ITGA2B: variants seen among roughly 807,000 people sequenced by gnomAD.
The protein encoded by ITGA2B is integrin alpha-IIb.
In ITGA2B, 91 loss-of-function variants were observed where a neutral mutation model predicts 142.0. The ratio of observed to expected loss-of-function variants is 0.64; its 90% CI spans 0.54 to 0.76. The LOEUF is 0.76. Among genes scored for constraint, ITGA2B ranks in the 30% least tolerant of loss-of-function variants. The probability of loss-of-function intolerance (pLI) is 0.00; values close to 1 mark genes in which losing one functional copy is unlikely to be tolerated. For missense variants in ITGA2B, 1,231 were observed against 1,350.8 expected (o/e 0.91, Z 1.39); for synonymous variants, 536 against 567.2 (o/e 0.94, Z 0.78).
At chr17:44,386,266 G>T (rs1189097935) in intron 1 of ITGA2B, 135 bp from the exon 2 acceptor site, 8 of 1,326,684 alleles carry the variant, frequency 6.0e-6, no homozygotes, top group Admixed American at 4.1e-5. Flanking sequence ...ACACCTCACA[G>T]ACCACCGTGA....
At position 44,389,437 on chromosome 17, in the gene ITGA2B, G is replaced by A. The variant is rs780972212; in HGVS notation, c.37C>T (p.Leu13Phe). 1.2e-6 allele frequency: 2 copies of A among 1,614,126 alleles called. No homozygotes were observed. Among genetic ancestry groups the A allele is most frequent in the Non-Finnish European group, 1.7e-6 (2 of 1,180,036 alleles). ...AAGAGCAGCAGCACCCACTCCAGAA[G>A]CCAGAGGGCTTGCAGTGGACACAAA... ...RALCPLQALW[L>F]LEWVLLLLGP... The change falls in exon 1 of 30, where the codon CTT (leucine) becomes TTT (phenylalanine). Residue 13 changes from leucine (L) to phenylalanine (F), a missense_variant. By Grantham distance (22) the Leu-to-Phe change is conservative. Transcript: ENST00000262407.
chr17:44,389,500 A>G lies in ITGA2B; in HGVS notation c.-27T>C. The G allele has an allele frequency of 1.2e-6, 2 of 1,611,266 alleles. No individual in the cohort carries two copies. The highest frequency in any genetic ancestry group is 2.1e-4 in the Middle Eastern group (1 of 4,760). On this transcript the variant is annotated 5_prime_UTR_variant, in exon 1 of 30. Transcript: ENST00000262407. ...TTCCTTCTTCCACAACCTCCCAGGC[A>G]GGAATGGGCCAGCTCCTCCTCCTTC... is the stretch of plus-strand genomic sequence containing the variant.
chr17:44,386,709 A>G (rs952668889), intron 1 of ITGA2B, among the ~76,000 whole-genome samples: 2 of 152,262 alleles, frequency 1.3e-5, no homozygotes, highest in African/African-American at 2.4e-5. Context: ...TGTCAGGAGT[A>G]AATGTAATAA....
At chr17:44,384,800 G>T in intron 7 of ITGA2B, 148 bp downstream of exon 7, 1 of 1,384,744 alleles carries the variant, frequency 7.2e-7, no homozygotes, top group Admixed American at 1.7e-5. Flanking sequence ...CGGTCTGCGG[G>T]GAAGCCGCAG....
chr17:44,374,572 C>G, intron 28 of ITGA2B, 87 bp downstream of exon 28: 5 of 1,515,386 alleles, frequency 3.3e-6, no homozygotes, highest in Non-Finnish European at 4.6e-6. Flanking sequence ...CCCACCCGTA[C>G]CACCCCTCAG....
At chr17:44,372,508 G>T in intron 29 of ITGA2B, 85 bp from the exon 30 acceptor site, 2 of 1,219,616 alleles carry the variant, frequency 1.6e-6, no homozygotes, top group Non-Finnish European at 2.4e-6. Context: ...CTAGCTATGA[G>T]CACCTCCCTG....
rs2048541371 is a variant in ITGA2B, at chr17:44,376,107, G to A, written c.2426C>T (p.Pro809Leu). Residue 809 changes from proline (P) to leucine (L), a missense_variant, in exon 24 of 30, where the codon CCC becomes CTC. By Grantham distance (98) the Pro-to-Leu change is moderately conservative. Coordinates refer to ENST00000262407, the MANE Select transcript of ITGA2B (RefSeq NM_000419.5). ...TACCTCATAGGTGTGCTCCACTTTG[G>A]GTCCCCAGCTGTCCAAGCTGTTCTG... is the stretch of plus-strand genomic sequence containing the variant. ...REQNSLDSWG[P>L]KVEHTYELHN... is the part of the protein sequence containing the mutation. 2 of 1,614,094 alleles carry A rather than the reference G, an allele frequency of 1.2e-6. No homozygotes were observed. The highest frequency in any genetic ancestry group is 1.7e-6 in the Non-Finnish European group (2 of 1,180,010).
Position 44,379,765 on chromosome 17 carries a change from T to C in ITGA2B, c.1802A>G (p.Asn601Ser). 2 of 1,613,608 alleles carry C rather than the reference T, an allele frequency of 1.2e-6. No homozygotes were observed. The highest frequency in any genetic ancestry group is 8.5e-7 in the Non-Finnish European group (1 of 1,179,920). The change falls in exon 18 of 30, where the codon AAT becomes AGT. Residue 601 changes from asparagine (N) to serine (S), a missense_variant. Around this residue, in one of 3 missense-constraint regions of ITGA2B, gnomAD observed 908 missense variants for 1,021.1 expected, o/e 0.89. Transcript: ENST00000262407. Reference protein sequence around the residue: ...DKLSPIVLSLNVSLPPTEAGM... With the variant: ...DKLSPIVLSLSVSLPPTEAGM... ...AGCCTCCGTGGGCGGTAGGGACACATTGAGGCTGAGCACAATGGGGCTCAG... is the reference window on the plus strand; with the variant it reads ...AGCCTCCGTGGGCGGTAGGGACACACTGAGGCTGAGCACAATGGGGCTCAG...
At chr17:44,388,100 G>A (rs1402503017) in intron 1 of ITGA2B, among the ~76,000 whole-genome samples, 1 of 152,022 alleles carries the variant, frequency 6.6e-6, no homozygotes, top group African/African-American at 2.4e-5. Context: ...TGAAGCTGGT[G>A]GGCACAGTGT....
At chr17:44,376,542 G>T (rs961430928) in intron 22 of ITGA2B, among the ~76,000 whole-genome samples, 154 bp from the exon 23 acceptor site, 2 of 152,096 alleles carry the variant, frequency 1.3e-5, no homozygotes, top group Non-Finnish European at 2.9e-5. Context: ...TTCCTCTAGG[G>T]CTCCAAGACT....
chr17:44,375,593 C>G lies in ITGA2B; in HGVS notation c.2725G>C (p.Val909Leu), dbSNP rs573974230. 3.3e-5 allele frequency: 54 copies of G among 1,614,048 alleles called. No individual in the cohort carries two copies. In the African/African-American group the frequency reaches 5.9e-4, roughly 18 times the overall value. ...CAGAGACCAGAGAGCCTGCTCACTA[C>G]GAGAACTGGATCCTGAAGCCTCGAG... ...QPSRLQDPVL[V>L]SCDSAPCTVV... The change falls in exon 26 of 30, where the codon GTA becomes CTA. Residue 909 changes from valine (V) to leucine (L), a missense_variant and splice_region_variant. This residue lies in a region of ITGA2B where 908 missense variants were observed against 1,021.1 expected (regional missense o/e 0.89). Transcript: ENST00000262407.
At position 44,389,645 on chromosome 17, in the gene ITGA2B, G is replaced by A; in HGVS notation, c.-172C>T. On this transcript the variant is annotated 5_prime_UTR_variant, in exon 1 of 30. Coordinates refer to ENST00000262407, the MANE Select transcript of ITGA2B (RefSeq NM_000419.5). ...GACTCATGGTGGCTAGAATTGCCAGGAAGTGGGTGAGGCCACCCAGAGGGT... is the reference window on the plus strand; with the variant it reads ...GACTCATGGTGGCTAGAATTGCCAGAAAGTGGGTGAGGCCACCCAGAGGGT... 1.4e-6 allele frequency: 1 copy of A among 728,360 alleles called. No homozygotes were observed. The highest frequency in any genetic ancestry group is 2.2e-6 in the Non-Finnish European group (1 of 445,264). 45.1% of individuals were successfully genotyped at this position (728,360 alleles called of 1,614,324 possible).
chr17:44,387,766 GGT>G (rs2048662399), intron 1 of ITGA2B, among the ~76,000 whole-genome samples: 1 of 145,558 alleles, frequency 6.9e-6, no homozygotes, highest in Non-Finnish European at 1.5e-5. Flanking sequence ...CAGAAGTTGC[GGT>G]GAGCCAGTGA....
rs781534148 is a variant in ITGA2B at position 44,384,185 on chromosome 17, A to G, written c.892-47T>C. 4.0e-5 allele frequency: 63 copies of G among 1,573,164 alleles called. 1 individual carries two copies. The South Asian group carries it at 6.3e-4, about 16-fold the overall frequency. The stretch of plus-strand genomic sequence containing the variant: ...GAGCATCATTCTTGTACCCAAAGCA[A>G]CCTCCCACTCCAGGTGAGAAAGGGT... On this transcript the variant is annotated intron_variant, in intron 9 of 29. Transcript: ENST00000262407.
intron 27 of ITGA2B, 90 bp from the exon 28 acceptor site, chr17:44,374,850 C>T (rs1242562611): frequency 1.5e-6 from 2 of 1,314,162 alleles, no homozygotes; most frequent in Non-Finnish European, 2.2e-6. Flanking sequence ...CGGGGAAGCC[C>T]TGCCTCTGAC....
Position 44,378,441 on chromosome 17 carries a change from C to G in ITGA2B, c.2015G>C (p.Gly672Ala), listed in dbSNP as rs766460286. The change falls in exon 20 of 30, where the codon GGC becomes GCC. Residue 672 changes from glycine (G) to alanine (A), a missense_variant. Gly to Ala is a moderately conservative substitution (Grantham distance 60). Around this residue, in one of 3 missense-constraint regions of ITGA2B, gnomAD observed 908 missense variants for 1,021.1 expected, o/e 0.89. Coordinates refer to ENST00000262407, the MANE Select transcript of ITGA2B (RefSeq NM_000419.5). ...LELQMDAANE[G>A]EGAYEAELAV... ...CAGCTCTGCTTCATAGGCCCCCTCG[C>G]CCTCGTTGGCTGCGTCCATCTGCAG... 4.3e-6 allele frequency: 7 copies of G among 1,613,530 alleles called. No homozygotes were observed. The highest frequency in any genetic ancestry group is 5.9e-6 in the Non-Finnish European group (7 of 1,179,892).
In ITGA2B at chr17:44,389,288, C is replaced by T. The variant is rs2048677739; in HGVS notation, c.186G>A (p.Gly62=). ...FSLDFHKDSH[G]RVAIVVGAPR... is the part of the protein sequence containing the mutation. ...CCCCAACTTCCCTTACGGCTCACCTCCCATGGCTGTCCTTGTGGAAGTCCA... is the reference window on the plus strand; with the variant it reads ...CCCCAACTTCCCTTACGGCTCACCTTCCATGGCTGTCCTTGTGGAAGTCCA... Residue 62 remains glycine (G), a splice_region_variant and synonymous_variant, in exon 1 of 30, where the codon GGG becomes GGA. Coordinates refer to ENST00000262407, the MANE Select transcript of ITGA2B (RefSeq NM_000419.5). 3 of 1,614,038 alleles carry T rather than the reference C, an allele frequency of 1.9e-6. No homozygotes were observed. Among genetic ancestry groups the T allele is most frequent in the Admixed American group, 3.3e-5 (2 of 59,998 alleles).
intron 1 of ITGA2B, among the ~76,000 whole-genome samples, chr17:44,388,818 C>CTTTTTTTTTTTT (rs758076614): frequency 4.4e-4 from 58 of 132,150 alleles, no homozygotes; most frequent in Non-Finnish European, 5.3e-4. Flanking sequence ...TGCCTGGTCT[C>CTTTTTTTTTTTT]TTTTTTTTTT....
chr17:44,377,843 T>A, intron 20 of ITGA2B, 53 bp from the exon 21 acceptor site: 9 of 1,287,400 alleles, frequency 7.0e-6, no homozygotes, highest in Non-Finnish European at 8.9e-6. Context: ...ATATATATAT[T>A]TAAGCTCCCT....
Sources: allele counts gnomAD v4.1 joint callset (sites outside exome capture counted in the v4.1 genomes callset), GRCh38; gene constraint gnomAD v4.1.1; regional missense constraint gnomAD v4.1.1; transcripts MANE v1.5; gene names NCBI Gene and HGNC (gene_info 2026-07-23, HGNC 2026-07-21).